The following AMD1 variants were observed in gnomAD, a reference collection of about 807,000 sequenced individuals.
The protein encoded by AMD1 is adenosylmethionine decarboxylase 1.
A neutral mutation model predicts 40.2 loss-of-function variants in AMD1; 11 were observed. The ratio of observed to expected loss-of-function variants is 0.27; its 90% CI spans 0.17 to 0.45. The LOEUF is 0.45. Among genes scored for constraint, AMD1 ranks in the 20% least tolerant of loss-of-function variants. The pLI is 1.00. For synonymous variants in AMD1, 121 were observed against 130.8 expected, an observed-to-expected ratio of 0.93 and a Z score of 0.51; for missense variants, 257 against 410.2, an observed-to-expected ratio of 0.63 and a Z score of 3.23.
chr6:110,848,611 C>T, the AMD1 span: 1 of 562,608 alleles, frequency 1.8e-6, no homozygotes, highest in Non-Finnish European at 2.9e-6. Context: ...AAAAATAAAT[C>T]TTCTTTTGCA....
intron 1 of AMD1, among the ~76,000 whole-genome samples, chr6:110,879,629 T>C (rs1324137202): frequency 6.6e-6 from 1 of 152,184 alleles, no homozygotes; most frequent in Non-Finnish European, 1.5e-5. Context: ...AGGATGCCTT[T>C]TACCTAAAGA....
chr6:110,884,191 A>G (rs757362364), intron 1 of AMD1, among the ~76,000 whole-genome samples: 1 of 152,196 alleles, frequency 6.6e-6, no homozygotes, highest in Non-Finnish European at 1.5e-5. Context: ...CTGGAACCAT[A>G]ACACAACCTA....
Position 110,879,326 on chromosome 6 carries a change from CTGGTGGCAGAG to C in AMD1, c.110+4114_110+4124del, listed in dbSNP as rs1461259251. ...ATGAGATTGCACCAGTGCGCTCCAT[CTGGTGGCAGAG>C]TGAAACCCTCTCAACAACAACGAAA... On this transcript the variant is annotated intron_variant, in intron 1 of 8. Transcript: ENST00000368885. 3.9e-5 allele frequency among the ~76,000 whole-genome samples: 6 copies of C among 152,300 alleles called. No homozygotes were observed. In the East Asian group the frequency reaches 1.2e-3, roughly 29 times the overall value.
chr6:110,868,954 G>C, the AMD1 span, among the ~76,000 whole-genome samples: 12 of 151,770 alleles, frequency 7.9e-5, no homozygotes, highest in African/African-American at 2.9e-4. Flanking sequence ...CAGCTACTCG[G>C]GAGGCTGAAG....
chr6:110,848,529 A>C, the AMD1 span: 1 of 311,348 alleles, frequency 3.2e-6, no homozygotes, highest in Non-Finnish European at 5.9e-6. Flanking sequence ...AGCAAAAAAC[A>C]ACAACAACAA....
the AMD1 span, among the ~76,000 whole-genome samples, chr6:110,869,280 G>A: frequency 1.3e-5 from 2 of 150,812 alleles, no homozygotes; most frequent in Admixed American, 6.6e-5. Flanking sequence ...ACAGGAGCCC[G>A]CCACCGCGCC....
chr6:110,887,438 C>G, intron 1 of AMD1, 67 bp from the exon 2 acceptor site: 1 of 1,139,708 alleles, frequency 8.8e-7, no homozygotes, highest in Non-Finnish European at 1.2e-6. Context: ...AAAGTGTGAG[C>G]TTTGTAATTT....
chr6:110,818,178 A>G, the AMD1 span, among the ~76,000 whole-genome samples: 1 of 152,196 alleles, frequency 6.6e-6, no homozygotes, highest in Non-Finnish European at 1.5e-5. Context: ...AATTAATATA[A>G]GTAGAGAGTT....
chr6:110,869,823 C>T (rs1343212390), upstream of AMD1, among the ~76,000 whole-genome samples: 3 of 152,172 alleles, frequency 2.0e-5, no homozygotes, highest in Non-Finnish European at 4.4e-5. Flanking sequence ...GTTTCTAAAA[C>T]ATTTTTCTCA....
intron 4 of AMD1, chr6:110,890,688 C>G (rs1785965897): frequency 6.0e-6 from 1 of 168,024 alleles, no homozygotes; most frequent in African/African-American, 2.4e-5. Context: ...AAGGTTTTGC[C>G]ATATTGCCCA....
At chr6:110,837,172 CAAAAAAAAAAAAA>C in the AMD1 span, among the ~76,000 whole-genome samples, 258 of 23,906 alleles carry the variant, frequency 0.011, 5 homozygotes, top group South Asian at 0.076. Flanking sequence ...CAGAGCGTCT[CAAAAAAAAAAAAA>C]AAAAAAAAAA....
chr6:110,841,974 TG>T, the AMD1 span, among the ~76,000 whole-genome samples: 1 of 151,966 alleles, frequency 6.6e-6, no homozygotes, highest in East Asian at 1.9e-4. Context: ...GGCTAATTTT[TG>T]CATTTGTAGT....
At chr6:110,837,169 T>A in the AMD1 span, among the ~76,000 whole-genome samples, 2 of 73,348 alleles carry the variant, frequency 2.7e-5, no homozygotes, top group African/African-American at 1.4e-4. Context: ...AAACAGAGCG[T>A]CTCAAAAAAA....
chr6:110,883,918 G>A (rs1486797584), intron 1 of AMD1, among the ~76,000 whole-genome samples: 2 of 152,126 alleles, frequency 1.3e-5, no homozygotes, highest in Admixed American at 1.3e-4. Flanking sequence ...GGTAGTGGAT[G>A]AAGAAGAGTC....
chr6:110,823,640 T>G, the AMD1 span, among the ~76,000 whole-genome samples: 14 of 152,322 alleles, frequency 9.2e-5, no homozygotes, highest in East Asian at 2.7e-3. Context: ...GTTTGGTTTA[T>G]TCTTGTATCT....
the AMD1 span, among the ~76,000 whole-genome samples, chr6:110,850,015 C>A: frequency 1.4e-5 from 2 of 142,156 alleles, no homozygotes; most frequent in Non-Finnish European, 1.5e-5. Flanking sequence ...CAGAGCAAAA[C>A]ACTGTCAAAA....
chr6:110,859,288 G>A, the AMD1 span: 5 of 358,742 alleles, frequency 1.4e-5, no homozygotes, highest in Admixed American at 1.6e-4. Context: ...GGATCAGGGA[G>A]GTCTTTCTTC....
chr6:110,869,935 A>T (rs1306817773), upstream of AMD1, among the ~76,000 whole-genome samples: 1 of 150,648 alleles, frequency 6.6e-6, no homozygotes, highest in Non-Finnish European at 1.5e-5. Context: ...TTAAATAGAG[A>T]TGGGGGGTCT....
intron 1 of AMD1, among the ~76,000 whole-genome samples, chr6:110,878,305 A>T (rs1454971291): frequency 1.3e-5 from 2 of 152,212 alleles, no homozygotes; most frequent in Non-Finnish European, 2.9e-5. Flanking sequence ...GTGAGGGAAT[A>T]CACTTTAAAC....
Sources: gnomAD v4.1 joint callset for allele counts (sites outside exome capture counted in the v4.1 genomes callset) on GRCh38, gnomAD v4.1.1 for gene constraint, MANE v1.5 for transcripts, NCBI Gene and HGNC (gene_info 2026-07-23, HGNC 2026-07-21) for gene names.